COL4A1: variants seen among roughly 807,000 people sequenced by gnomAD.
COL4A1 encodes collagen type IV alpha 1 chain.
A neutral mutation model predicts 216.6 loss-of-function variants in COL4A1; 40 were observed. The observed-to-expected ratio is 0.18, with a 90% CI of 0.14 to 0.24. The LOEUF (loss-of-function observed/expected upper bound fraction) is 0.24, where lower values mean the gene tolerates loss of function less well. Ranked by LOEUF, COL4A1 falls within the 10% of genes least tolerant of loss-of-function variation. COL4A1 has a pLI of 1.00. For missense variants in COL4A1, 1,628 were observed against 2,196.8 expected (o/e 0.74, Z 5.18); for synonymous variants, 839 against 810.7 (o/e 1.03, Z -0.59).
chr13:110,195,822 A>G (rs7996767), intron 21 of COL4A1, among the ~76,000 whole-genome samples: 40,090 of 152,148 alleles, frequency 0.26, 5,494 homozygotes, highest in Admixed American at 0.32. Flanking sequence ...GGTATCCAGC[A>G]TCCCTGCCCA....
chr13:110,243,002 T>C (rs919347021), intron 1 of COL4A1, among the ~76,000 whole-genome samples: 2 of 152,380 alleles, frequency 1.3e-5, no homozygotes, highest in South Asian at 2.1e-4. Flanking sequence ...ATGTCACCTA[T>C]ACTTTTTGCC....
intron 41 of COL4A1, among the ~76,000 whole-genome samples, chr13:110,172,502 T>C (rs900774213): frequency 6.6e-6 from 1 of 152,228 alleles, no homozygotes; most frequent in Non-Finnish European, 1.5e-5. Context: ...AAAAGATAAT[T>C]CTGATCATGA....
At chr13:110,228,237 C>CGGGGGGGGGGGTGGGGGGGGGGGG (rs59600040) in intron 2 of COL4A1, among the ~76,000 whole-genome samples, 1 of 118,996 alleles carries the variant, frequency 8.4e-6, no homozygotes. Context: ...GGTGCGGGGG[C>CGGGGGGGGGGGTGGGGGGGGGGGG]GGGGGGGGGG....
At position 110,149,359 on chromosome 13, in the gene COL4A1, T is replaced by C. The variant is rs1202502720; in HGVS notation, c.*1004A>G. On this transcript the variant is annotated 3_prime_UTR_variant, in exon 52 of 52. Transcript: ENST00000375820. ...CAGGATGCAGAATGAGGAATACTAA[T>C]GAAATGACGGCCTTTAAGGTTGTTG... The C allele has an allele frequency of 6.5e-6, 1 of 154,770 alleles. No individual in the cohort carries two copies. Among genetic ancestry groups the C allele is most frequent in the Non-Finnish European group, 1.5e-5 (1 of 68,218 alleles). 9.6% of individuals were successfully genotyped at this position (154,770 alleles called of 1,614,324 possible).
At chr13:110,242,999 C>T (rs1881632610) in intron 1 of COL4A1, among the ~76,000 whole-genome samples, 2 of 152,216 alleles carry the variant, frequency 1.3e-5, no homozygotes, top group Non-Finnish European at 2.9e-5. Context: ...ACAATGTCAC[C>T]TATACTTTTT....
At chr13:110,204,133 T>C (rs951669010) in intron 17 of COL4A1, among the ~76,000 whole-genome samples, 5 of 152,226 alleles carry the variant, frequency 3.3e-5, no homozygotes, top group Non-Finnish European at 7.3e-5. Flanking sequence ...CTTTAAGGTT[T>C]AATCTCATCC....
At position 110,229,723 on chromosome 13, in the gene COL4A1, C is replaced by G. The variant is rs576354054; in HGVS notation, c.144+12952G>C. 7.2e-5 allele frequency among the ~76,000 whole-genome samples: 11 copies of G among 152,362 alleles called. No individual in the cohort carries two copies. In the East Asian group the frequency reaches 1.9e-3, roughly 27 times the overall value. ...AAGGGGTCCACAGCCGACCTCGAAT[C>G]TGCTGGAGCCTTGATCTTGGACTTC... On this transcript the variant is annotated intron_variant, in intron 2 of 51. Transcript: ENST00000375820.
chr13:110,294,844 T>A (rs1339733425), intron 1 of COL4A1, among the ~76,000 whole-genome samples: 1 of 152,208 alleles, frequency 6.6e-6, no homozygotes, highest in Non-Finnish European at 1.5e-5. Flanking sequence ...TTTCTGTTTG[T>A]CTCCAAGTCT....
rs956657400 is a variant in COL4A1, at chr13:110,176,886, T to C, written c.2868A>G (p.Lys956=). The part of the protein sequence containing the change: ...MKGQKGDQGE[K]GQIGPIGEKG... ...CCATGAGAAGCCTCCTGGACTTGCC[T>C]TTCTCTCCTTGGTCTCCTTTCTGGC... is the stretch of plus-strand genomic sequence containing the variant. The change falls in exon 34 of 52, where the codon AAA becomes AAG. Residue 956 remains lysine (K), a splice_region_variant and synonymous_variant. Transcript: ENST00000375820. 1.2e-6 allele frequency: 2 copies of C among 1,614,216 alleles called. No individual in the cohort carries two copies. Among genetic ancestry groups the C allele is most frequent in the South Asian group, 1.1e-5 (1 of 91,086 alleles).
chr13:110,248,352 G>A (rs1286672486), intron 1 of COL4A1, among the ~76,000 whole-genome samples: 1 of 123,160 alleles, frequency 8.1e-6, no homozygotes, highest in Non-Finnish European at 1.7e-5. Context: ...AAGGCGCTCA[G>A]CCGCCTCCGC....
At chr13:110,295,461 T>C (rs1225707478) in intron 1 of COL4A1, among the ~76,000 whole-genome samples, 2 of 150,164 alleles carry the variant, frequency 1.3e-5, no homozygotes, top group South Asian at 2.1e-4. Flanking sequence ...GTGTTGCTCT[T>C]GTTGCCCAGG....
chr13:110,270,858 T>C (rs935516744), intron 1 of COL4A1, among the ~76,000 whole-genome samples: 21 of 152,112 alleles, frequency 1.4e-4, no homozygotes, highest in Admixed American at 9.8e-4. Context: ...ATTTTTGTTT[T>C]TCCATAGAAG....
In COL4A1 at chr13:110,242,720, G is replaced by A; in HGVS notation, c.99C>T (p.Gly33=). Reference sequence around the variant, plus strand: ...GGCAGTCACATTTGCCACAGCCAGAGCCAGCACAGCCACCCTGGAAGGAAA... The same window carrying A: ...GGCAGTCACATTTGCCACAGCCAGAACCAGCACAGCCACCCTGGAAGGAAA... ...SRAAAKGGCA[G]SGCGKCDCHG... Residue 33 remains glycine, a synonymous_variant, in exon 2 of 52, where the codon GGC becomes GGT. Coordinates refer to ENST00000375820, the MANE Select transcript of COL4A1 (RefSeq NM_001845.6). The A allele has an allele frequency of 6.2e-7, 1 of 1,614,210 alleles. No homozygotes were observed. The highest frequency in any genetic ancestry group is 8.5e-7 in the Non-Finnish European group (1 of 1,180,036).
intron 1 of COL4A1, among the ~76,000 whole-genome samples, chr13:110,293,551 G>C (rs180772383): frequency 5.2e-4 from 79 of 152,346 alleles, no homozygotes; most frequent in Non-Finnish European, 8.5e-4. Context: ...AATTGACTCT[G>C]CTCAGAGATG....
At chr13:110,245,664 A>G (rs1881770500) in intron 1 of COL4A1, among the ~76,000 whole-genome samples, 1 of 152,218 alleles carries the variant, frequency 6.6e-6, no homozygotes, top group Non-Finnish European at 1.5e-5. Flanking sequence ...GGAGGTTATA[A>G]AAATGAATTT....
At position 110,253,182 on chromosome 13, in the gene COL4A1, T is replaced by C. The variant is rs143769028; in HGVS notation, c.85-10448A>G. On this transcript the variant is annotated intron_variant, in intron 1 of 51. Coordinates refer to ENST00000375820, the MANE Select transcript of COL4A1 (RefSeq NM_001845.6). The stretch of plus-strand genomic sequence containing the variant: ...ATATATACATATAACTATATGTACG[T>C]ATGTATTATATATACATATAACTAT... 8.6e-3 allele frequency among the ~76,000 whole-genome samples: 927 copies of C among 107,316 alleles called. 90 individuals carry two copies. The highest frequency in any genetic ancestry group is 0.013 in the Non-Finnish European group (648 of 50,714). The allele number at this position is 107,316 out of a possible 152,430, so 70.4% of individuals were successfully genotyped here.
chr13:110,256,758 C>T (rs752331155), intron 1 of COL4A1, among the ~76,000 whole-genome samples: 5 of 151,988 alleles, frequency 3.3e-5, no homozygotes, highest in African/African-American at 1.2e-4. Flanking sequence ...GGGGTCTATC[C>T]GATACTTTCA....
At chr13:110,188,966 AAT>A (rs1456805855) in intron 24 of COL4A1, among the ~76,000 whole-genome samples, 1 of 150,824 alleles carries the variant, frequency 6.6e-6, no homozygotes, top group African/African-American at 2.4e-5. Flanking sequence ...TGCACTGTTC[AAT>A]ATGACTTGGA....
At chr13:110,224,277 CA>C (rs1432067952) in intron 2 of COL4A1, among the ~76,000 whole-genome samples, 1 of 152,028 alleles carries the variant, frequency 6.6e-6, no homozygotes, top group Non-Finnish European at 1.5e-5. Context: ...TAATTGATAA[CA>C]AAATATCAAT....
Sources: gnomAD v4.1 joint callset for allele counts (sites outside exome capture counted in the v4.1 genomes callset) on GRCh38, gnomAD v4.1.1 for gene constraint, MANE v1.5 for transcripts, NCBI Gene and HGNC (gene_info 2026-07-23, HGNC 2026-07-21) for gene names.